The following HOMER2 variants were observed in gnomAD, a reference collection of about 807,000 sequenced individuals.
HOMER2 encodes homer scaffold protein 2, also known as homer protein homolog 2.
HOMER2 carries 27 observed loss-of-function variants against 47.0 expected under a neutral mutation model. The ratio of observed to expected loss-of-function variants is 0.57; its 90% confidence interval spans 0.42 to 0.79. The LOEUF is 0.79. HOMER2 is among the 30% of genes least tolerant of loss of function. The pLI, the probability that HOMER2 is intolerant of heterozygous loss-of-function variation, is 0.00. For missense variants in HOMER2, 443 were observed against 435.0 expected (o/e 1.02, Z -0.16); for synonymous variants, 161 against 163.8 (o/e 0.98, Z 0.13).
upstream of HOMER2, among the ~76,000 whole-genome samples, chr15:82,956,399 C>T (rs1164873361): frequency 1.3e-5 from 2 of 152,104 alleles, no homozygotes; most frequent in Non-Finnish European, 2.9e-5. Flanking sequence ...GGTTAGAGTG[C>T]AGTGAGCTTA....
intron 1 of HOMER2, among the ~76,000 whole-genome samples, chr15:82,908,798 T>G (rs2151143038): frequency 6.6e-6 from 1 of 151,800 alleles, no homozygotes; most frequent in Admixed American, 6.6e-5. Flanking sequence ...AAAGACTCAG[T>G]GACTCTAAAT....
chr15:82,903,209 C>A (rs1043199283), intron 1 of HOMER2, among the ~76,000 whole-genome samples: 1 of 152,090 alleles, frequency 6.6e-6, no homozygotes, highest in African/African-American at 2.4e-5. Context: ...TGGCCTAGAG[C>A]GGTAGGGACC....
At chr15:82,978,206 C>A (rs79105164) in intron 1 of HOMER2, among the ~76,000 whole-genome samples, 1 of 151,966 alleles carries the variant, frequency 6.6e-6, no homozygotes, top group South Asian at 2.1e-4. Flanking sequence ...AAATATTAAC[C>A]GAGCACCAAC....
chr15:82,857,253 C>G (rs2051615959), intron 5 of HOMER2, among the ~76,000 whole-genome samples: 1 of 152,054 alleles, frequency 6.6e-6, no homozygotes. Flanking sequence ...AGACTGTGGT[C>G]TATGAACCAG....
intron 5 of HOMER2, among the ~76,000 whole-genome samples, chr15:82,857,887 A>G (rs2051641177): frequency 6.6e-6 from 1 of 152,182 alleles, no homozygotes; most frequent in Non-Finnish European, 1.5e-5. Context: ...GCCTGTGGGG[A>G]ATGCTCCACA....
chr15:82,944,619 T>C (rs1819902917), intron 1 of HOMER2, among the ~76,000 whole-genome samples: 1 of 152,226 alleles, frequency 6.6e-6, no homozygotes, highest in Non-Finnish European at 1.5e-5. Flanking sequence ...AGGTTTTTCT[T>C]GTCAAATGGA....
intron 7 of HOMER2, among the ~76,000 whole-genome samples, chr15:82,851,925 G>A (rs939944921): frequency 3.3e-5 from 5 of 152,274 alleles, no homozygotes; most frequent in South Asian, 4.1e-4. Context: ...GGATCTGCAC[G>A]ACCAGCTATA....
chr15:82,870,814 A>C (rs1207848937), intron 3 of HOMER2, among the ~76,000 whole-genome samples: 1 of 152,202 alleles, frequency 6.6e-6, no homozygotes, highest in East Asian at 1.9e-4. Context: ...AATGCCATGC[A>C]CGTATCGGGG....
At chr15:82,901,159 T>C (rs1379061684) in intron 1 of HOMER2, among the ~76,000 whole-genome samples, 1 of 152,304 alleles carries the variant, frequency 6.6e-6, no homozygotes, top group African/African-American at 2.4e-5. Context: ...ATCAGATCCA[T>C]TCTCATGTGC....
intron 7 of HOMER2, 47 bp downstream of exon 7, chr15:82,852,095 A>G (rs1357381695): frequency 2.9e-6 from 4 of 1,387,772 alleles, no homozygotes; most frequent in Non-Finnish European, 4.1e-6. Flanking sequence ...CCACCCCGCA[A>G]GGCCAAGAGG....
intron 1 of HOMER2, among the ~76,000 whole-genome samples, chr15:82,903,572 T>G (rs754596097): frequency 8.6e-5 from 13 of 151,720 alleles, no homozygotes; most frequent in Non-Finnish European, 1.8e-4. Context: ...TTGGCCGAGA[T>G]TGCGCCATTG....
intron 1 of HOMER2, among the ~76,000 whole-genome samples, chr15:82,967,280 A>G (rs2054682854): frequency 6.6e-6 from 1 of 151,962 alleles, no homozygotes; most frequent in Non-Finnish European, 1.5e-5. Flanking sequence ...AAAATAAAAA[A>G]GGTGTTTGTG....
At chr15:82,974,358 C>A (rs562178761) in intron 1 of HOMER2, among the ~76,000 whole-genome samples, 1 of 150,922 alleles carries the variant, frequency 6.6e-6, no homozygotes, top group Non-Finnish European at 1.5e-5. Context: ...GAGCCGAGAT[C>A]GCGCCATTGC....
chr15:82,851,755 C>T (rs1414846815), intron 7 of HOMER2, among the ~76,000 whole-genome samples: 1 of 152,116 alleles, frequency 6.6e-6, no homozygotes, highest in Non-Finnish European at 1.5e-5. Context: ...TAATGAGACT[C>T]CATCTTAAAT....
intron 1 of HOMER2, among the ~76,000 whole-genome samples, chr15:82,923,421 A>G (rs1391692748): frequency 1.4e-5 from 2 of 145,342 alleles, no homozygotes; most frequent in Non-Finnish European, 3.0e-5. Context: ...TGGGAGGTGG[A>G]GGTTGCAGTG....
intron 2 of HOMER2, among the ~76,000 whole-genome samples, chr15:82,882,581 C>G (rs187693913): frequency 6.6e-6 from 1 of 152,210 alleles, no homozygotes; most frequent in African/African-American, 2.4e-5. Context: ...GAAATGTCTT[C>G]GTGTTTTAAG....
At chr15:82,901,578 T>G (rs765387995) in intron 1 of HOMER2, among the ~76,000 whole-genome samples, 9 of 152,100 alleles carry the variant, frequency 5.9e-5, no homozygotes, top group African/African-American at 9.7e-5. Context: ...AAACAGCTAT[T>G]CAGGCACCAG....
rs936417349 is a variant in HOMER2 at position 82,878,432 on chromosome 15, G to C, written c.163-3028C>G. On this transcript the variant is annotated intron_variant, in intron 2 of 8. Coordinates refer to ENST00000450735, the MANE Select transcript of HOMER2 (RefSeq NM_004839.4). ...AATAAGTGGCTAAAAAGAATATAAT[G>C]TATGTCTTACTTACAAAGCAACAAC... is the stretch of plus-strand genomic sequence containing the variant. Among the ~76,000 whole-genome samples the C allele has an allele frequency of 2.0e-5, 3 of 152,174 alleles. 1 individual carries two copies. Among genetic ancestry groups the C allele is most frequent in the Admixed American group, 2.0e-4 (3 of 15,268 alleles).
At chr15:82,980,445 G>A (rs1304170132) in intron 1 of HOMER2, among the ~76,000 whole-genome samples, 1 of 152,076 alleles carries the variant, frequency 6.6e-6, no homozygotes, top group Admixed American at 6.6e-5. Flanking sequence ...TCCAATAAAG[G>A]CTCCGGCCTA....
Sources: allele counts gnomAD v4.1 joint callset (sites outside exome capture counted in the v4.1 genomes callset), GRCh38; gene constraint gnomAD v4.1.1; transcripts MANE v1.5; gene names NCBI Gene and HGNC (gene_info 2026-07-23, HGNC 2026-07-21).